Variants in PHACTR4 observed in about 807,000 individuals in gnomAD.
PHACTR4 encodes phosphatase and actin regulator 4, also known as protein phosphatase 1, regulatory subunit 124.
PHACTR4 carries 51 observed loss-of-function variants against 72.7 expected under a neutral mutation model. That is an observed-to-expected ratio of 0.70 (90% confidence interval 0.56 to 0.89). PHACTR4 has a LOEUF of 0.89. PHACTR4 is among the 40% of genes least tolerant of loss of function. The pLI, the probability that PHACTR4 is intolerant of heterozygous loss-of-function variation, is 0.00. For missense variants in PHACTR4, 731 were observed against 861.8 expected (o/e 0.85, Z 1.90); for synonymous variants, 255 against 302.5 (o/e 0.84, Z 1.63).
At chr1:28,380,511 C>G (rs1024010251) in intron 1 of PHACTR4, among the ~76,000 whole-genome samples, 9 of 152,158 alleles carry the variant, frequency 5.9e-5, no homozygotes, top group Middle Eastern at 3.2e-3. Flanking sequence ...TGCTCCCATC[C>G]TCTACTCTCC....
At chr1:28,413,494 G>A (rs1481935041) in intron 2 of PHACTR4, among the ~76,000 whole-genome samples, 1 of 152,128 alleles carries the variant, frequency 6.6e-6, no homozygotes, top group Non-Finnish European at 1.5e-5. Context: ...TTGGTTGCCA[G>A]TAGCTTTTTG....
chr1:28,475,383 ATGT>A (rs993413467), intron 7 of PHACTR4, among the ~76,000 whole-genome samples: 6 of 152,146 alleles, frequency 3.9e-5, no homozygotes, highest in African/African-American at 7.2e-5. Flanking sequence ...GCATTGTATA[ATGT>A]TGTGCTTAAG....
At chr1:28,380,050 ACTTTTTTTT>A (rs1652034601) in intron 1 of PHACTR4, among the ~76,000 whole-genome samples, 14 of 128,078 alleles carry the variant, frequency 1.1e-4, no homozygotes, top group Admixed American at 9.6e-4. Flanking sequence ...TTTAAATGTA[ACTTTTTTTT>A]TTTTTTTTTT....
chr1:28,485,133 C>G lies in PHACTR4; in HGVS notation c.1761-4037C>G, dbSNP rs188923518. On this transcript the variant is annotated intron_variant, in intron 9 of 13. Coordinates refer to ENST00000373839, the MANE Select transcript of PHACTR4 (RefSeq NM_001048183.3). The stretch of plus-strand genomic sequence containing the variant: ...GCATGATTCCACTTCTGCGAGGTAT[C>G]TGAAATAGTCACATTTATAGAAGCA... Among the ~76,000 whole-genome samples the G allele has an allele frequency of 2.1e-3, 319 of 152,218 alleles. 1 individual carries two copies. Among genetic ancestry groups the G allele is most frequent in the African/African-American group, 7.4e-3 (308 of 41,546 alleles).
At chr1:28,378,131 G>GGA (rs1651836321) in intron 1 of PHACTR4, among the ~76,000 whole-genome samples, 5 of 149,228 alleles carry the variant, frequency 3.4e-5, no homozygotes, top group Middle Eastern at 3.4e-3. Context: ...TGGGAGGCAC[G>GGA]GCTTGCAGTG....
At chr1:28,397,488 C>T (rs1254801217) in intron 1 of PHACTR4, among the ~76,000 whole-genome samples, 6 of 152,098 alleles carry the variant, frequency 3.9e-5, no homozygotes, top group African/African-American at 9.7e-5. Flanking sequence ...TAAGCTTTCT[C>T]AGGAGGGAGA....
chr1:28,389,774 G>T (rs539036938), intron 1 of PHACTR4, among the ~76,000 whole-genome samples: 72 of 152,234 alleles, frequency 4.7e-4, no homozygotes, highest in African/African-American at 1.7e-3. Flanking sequence ...ACCGCGCCTG[G>T]CCTGTACACT....
In PHACTR4 at chr1:28,390,650, G is replaced by A. The variant is rs140133159; in HGVS notation, c.-38-16760G>A. ...TACTAAAAGTACAAAAAAATTAGCC[G>A]GGCGTGGTGGCCCATACCTGTAATC... On this transcript the variant is annotated intron_variant, in intron 1 of 13. Transcript: ENST00000373839. Among the ~76,000 whole-genome samples the A allele has an allele frequency of 1.5e-3, 225 of 151,954 alleles. 1 individual carries two copies. The highest frequency in any genetic ancestry group is 5.0e-3 in the African/African-American group (208 of 41,438).
At position 28,389,580 on chromosome 1, in the gene PHACTR4, C is replaced by A. The variant is rs746119343; in HGVS notation, c.-38-17830C>A. On this transcript the variant is annotated intron_variant, in intron 1 of 13. Transcript: ENST00000373839. ...GCAACCTCCGCCTCCCAGGTTCAAG[C>A]GATTCTCCTGCCTCAGCTTCCCGAG... Among the ~76,000 whole-genome samples the A allele has an allele frequency of 4.0e-5, 6 of 151,354 alleles. No homozygotes were observed. The South Asian group carries it at 1.3e-3, about 32-fold the overall frequency.
At chr1:28,495,471 T>G (rs1360432519) in intron 13 of PHACTR4, among the ~76,000 whole-genome samples, 1 of 152,070 alleles carries the variant, frequency 6.6e-6, no homozygotes, top group African/African-American at 2.4e-5. Context: ...TGCATGTGTT[T>G]AGTTTGAGGA....
At chr1:28,442,703 G>A (rs749054312) in intron 2 of PHACTR4, among the ~76,000 whole-genome samples, 13 of 151,740 alleles carry the variant, frequency 8.6e-5, no homozygotes, top group Non-Finnish European at 8.8e-5. Context: ...ACGGGGTTTC[G>A]CCATGTTGGC....
intron 1 of PHACTR4, among the ~76,000 whole-genome samples, chr1:28,391,163 G>T (rs1652989246): frequency 1.3e-5 from 2 of 150,804 alleles, no homozygotes. Flanking sequence ...ACTTTGGGAG[G>T]CCGAGGCAGG....
intron 1 of PHACTR4, among the ~76,000 whole-genome samples, chr1:28,390,468 A>T (rs935884320): frequency 6.6e-6 from 1 of 152,242 alleles, no homozygotes; most frequent in Non-Finnish European, 1.5e-5. Context: ...CAAGGCTTTT[A>T]GTATTACAGA....
At chr1:28,488,294 G>A (rs1660830564) in intron 9 of PHACTR4, among the ~76,000 whole-genome samples, 1 of 151,330 alleles carries the variant, frequency 6.6e-6, no homozygotes, top group Admixed American at 6.6e-5. Flanking sequence ...TCAGGAGATC[G>A]AGACCATCCT....
chr1:28,406,430 G>A (rs915868720), intron 1 of PHACTR4, among the ~76,000 whole-genome samples: 1 of 149,768 alleles, frequency 6.7e-6, no homozygotes, highest in Non-Finnish European at 1.5e-5. Flanking sequence ...TCTTGAGGGG[G>A]AAAAAAAAAG....
chr1:28,457,113 A>T (rs924243458), intron 2 of PHACTR4, among the ~76,000 whole-genome samples: 1 of 152,144 alleles, frequency 6.6e-6, no homozygotes, highest in African/African-American at 2.4e-5. Flanking sequence ...GGGCATAGCA[A>T]ACTAATGCAT....
intron 2 of PHACTR4, among the ~76,000 whole-genome samples, chr1:28,436,930 T>G (rs1656672924): frequency 6.6e-6 from 1 of 152,224 alleles, no homozygotes; most frequent in African/African-American, 2.4e-5. Flanking sequence ...TATTGAGTTT[T>G]AGCAAGAAGA....
At position 28,496,676 on chromosome 1, in the gene PHACTR4, G is replaced by T; in HGVS notation, c.*127G>T. 2 of 1,104,194 alleles carry T rather than the reference G, an allele frequency of 1.8e-6. No homozygotes were observed. The highest frequency in any genetic ancestry group is 2.4e-5 in the East Asian group (1 of 42,348). The allele number at this position is 1,104,194 out of a possible 1,614,324, so 68.4% of individuals were successfully genotyped here. On this transcript the variant is annotated 3_prime_UTR_variant, in exon 14 of 14. Transcript: ENST00000373839. ...GCATCCTCTGGGATCTTCTGAGGTG[G>T]ACAGCACTTTGAATGTAGCATTTCA...
chr1:28,491,544 C>T, intron 11 of PHACTR4, 106 bp from the exon 12 acceptor site: 31 of 1,470,012 alleles, frequency 2.1e-5, no homozygotes, highest in Non-Finnish European at 2.9e-5. Context: ...TAAAGCTCCC[C>T]CAGGTGATTC....
Sources: gnomAD v4.1 joint callset for allele counts (sites outside exome capture counted in the v4.1 genomes callset) on GRCh38, gnomAD v4.1.1 for gene constraint, MANE v1.5 for transcripts, NCBI Gene and HGNC (gene_info 2026-07-23, HGNC 2026-07-21) for gene names.